The following TAOK1 variants were observed in gnomAD, a reference collection of about 807,000 sequenced individuals.
The protein encoded by TAOK1 is TAO kinase 1.
A neutral mutation model predicts 138.3 loss-of-function variants in TAOK1; 21 were observed. That is an observed-to-expected ratio of 0.15 (90% CI 0.11 to 0.22). The LOEUF is 0.22. Ranked by LOEUF, TAOK1 falls within the 10% of genes least tolerant of loss-of-function variation. The probability of loss-of-function intolerance (pLI) is 1.00; values close to 1 mark genes in which losing one functional copy is unlikely to be tolerated. For missense variants in TAOK1, 651 were observed against 1,227.7 expected (o/e 0.53, Z 7.02); for synonymous variants, 361 against 398.4 (o/e 0.91, Z 1.12).
chr17:29,426,418 A>C (rs545459099), intron 1 of TAOK1, among the ~76,000 whole-genome samples: 3 of 152,300 alleles, frequency 2.0e-5, no homozygotes, highest in East Asian at 3.9e-4. Flanking sequence ...TCCAAATTAG[A>C]GATTAGGGAA....
In TAOK1 at chr17:29,530,619, C is replaced by A. The variant is rs147661331; in HGVS notation, c.2361C>A (p.Ala787=). Residue 787 remains alanine (A), a splice_region_variant and synonymous_variant, in exon 18 of 20, where the codon GCC becomes GCA. Coordinates refer to ENST00000261716, the MANE Select transcript of TAOK1 (RefSeq NM_020791.4). The stretch of plus-strand genomic sequence containing the variant: ...TTAATGAAATGCTCTCCACACAAGC[C>A]GTGAGTTTGCTTTTTTTGGGGCAAA... The part of the protein sequence containing the change: ...HSINEMLSTQ[A]LRLDEAQEAE... The A allele has an allele frequency of 6.2e-7, 1 of 1,613,518 alleles. No homozygotes were observed. The highest frequency in any genetic ancestry group is 8.5e-7 in the Non-Finnish European group (1 of 1,179,818).
intron 13 of TAOK1, 44 bp downstream of exon 13, chr17:29,502,767 G>T: frequency 1.3e-6 from 2 of 1,581,710 alleles, no homozygotes; most frequent in Non-Finnish European, 1.7e-6. Flanking sequence ...TTTTCATGTG[G>T]GACCTTGGCA....
chr17:29,535,342 C>T (rs1399736898), intron 19 of TAOK1, among the ~76,000 whole-genome samples: 2 of 151,694 alleles, frequency 1.3e-5, no homozygotes, highest in Middle Eastern at 3.4e-3. Context: ...AAACAGTGGT[C>T]GATTATCAAT....
chr17:29,458,078 C>G (rs2030436963), intron 2 of TAOK1, among the ~76,000 whole-genome samples: 1 of 151,302 alleles, frequency 6.6e-6, no homozygotes, highest in Non-Finnish European at 1.5e-5. Flanking sequence ...CCACTGGGCT[C>G]CAGCCTGGGC....
At chr17:29,508,421 A>G (rs1451301496) in intron 14 of TAOK1, among the ~76,000 whole-genome samples, 3 of 152,222 alleles carry the variant, frequency 2.0e-5, no homozygotes, top group African/African-American at 7.2e-5. Context: ...GTAATAGCCA[A>G]CAAAATTTTG....
In TAOK1 at chr17:29,528,031, T is replaced by TTTTG. The variant is rs879423272; in HGVS notation, c.2149-2364_2149-2361dup. Among the ~76,000 whole-genome samples, 7 of 152,284 alleles carry TTTTG rather than the reference T, an allele frequency of 4.6e-5. No homozygotes were observed. The South Asian group carries it at 6.2e-4, about 14-fold the overall frequency. On this transcript the variant is annotated intron_variant, in intron 17 of 19. Coordinates refer to ENST00000261716, the MANE Select transcript of TAOK1 (RefSeq NM_020791.4). ...AACCTTTGAAAGATTAGTTTTGTTA[T>TTTTG]TTTGTTTGTTTGTTTTGTGTGTGTG...
intron 2 of TAOK1, among the ~76,000 whole-genome samples, chr17:29,463,162 G>T (rs2153025253): frequency 6.6e-6 from 1 of 151,706 alleles, no homozygotes; most frequent in Non-Finnish European, 1.5e-5. Context: ...CATATGTATT[G>T]TATCTACATA....
At chr17:29,510,836 T>G (rs750989318) in intron 14 of TAOK1, 28 bp from the exon 15 acceptor site, 1 of 1,521,906 alleles carries the variant, frequency 6.6e-7, no homozygotes, top group East Asian at 2.4e-5. Context: ...CTTAACTAAA[T>G]TTGATTCATT....
intron 1 of TAOK1, among the ~76,000 whole-genome samples, chr17:29,433,068 C>T (rs546302221): frequency 2.0e-5 from 3 of 152,082 alleles, no homozygotes; most frequent in South Asian, 2.1e-4. Flanking sequence ...AGGGCCTTAC[C>T]ATAGTTATCT....
chr17:29,491,667 T>C lies in TAOK1; in HGVS notation c.750-117T>C, dbSNP rs547676342. 66 of 726,026 alleles carry C rather than the reference T, an allele frequency of 9.1e-5. No homozygotes were observed. The South Asian group carries it at 1.0e-3, about 11-fold the overall frequency. The allele number at this position is 726,026 out of a possible 1,614,324, so 45.0% of individuals were successfully genotyped here. ...TATATGAAACTGTATAGTCTCTGCT[T>C]TTTTTTAATCATTCCCTTTCCATTT... On this transcript the variant is annotated intron_variant, in intron 9 of 19. Coordinates refer to ENST00000261716, the MANE Select transcript of TAOK1 (RefSeq NM_020791.4).
intron 9 of TAOK1, 47 bp from the exon 10 acceptor site, chr17:29,491,737 T>C: frequency 7.3e-7 from 1 of 1,379,142 alleles, no homozygotes; most frequent in Non-Finnish European, 1.0e-6. Flanking sequence ...GAATGTATTT[T>C]TAAAGGAAAT....
chr17:29,459,251 T>G (rs868719240), intron 2 of TAOK1, among the ~76,000 whole-genome samples: 12 of 152,286 alleles, frequency 7.9e-5, no homozygotes, highest in Middle Eastern at 3.4e-3. Flanking sequence ...TTTTGCATAC[T>G]GTTGTTTTTT....
intron 10 of TAOK1, among the ~76,000 whole-genome samples, chr17:29,493,621 C>A (rs897659303): frequency 2.6e-5 from 4 of 152,072 alleles, no homozygotes; most frequent in African/African-American, 9.7e-5. Flanking sequence ...CCTAAGTCTG[C>A]ATATATTAAT....
chr17:29,542,120 G>C (rs947953143), intron 19 of TAOK1, among the ~76,000 whole-genome samples: 2 of 152,000 alleles, frequency 1.3e-5, no homozygotes, highest in African/African-American at 4.8e-5. Flanking sequence ...CTCATGATCC[G>C]CCCGCATCAG....
At position 29,546,987 on chromosome 17, in the gene TAOK1, A is replaced by G. The variant is rs1364273826; in HGVS notation, c.*3965A>G. On this transcript the variant is annotated 3_prime_UTR_variant, in exon 20 of 20. Transcript: ENST00000261716. Reference sequence around the variant, plus strand: ...GTAAAATTTGGAATCATAAGTTGCAATGCAGTAAAATGGTGCTGGGGAAGG... The same window carrying G: ...GTAAAATTTGGAATCATAAGTTGCAGTGCAGTAAAATGGTGCTGGGGAAGG... 1 of 152,122 alleles carries G rather than the reference A, an allele frequency of 6.6e-6. No homozygotes were observed. Among genetic ancestry groups the G allele is most frequent in the African/African-American group, 2.4e-5 (1 of 41,432 alleles). The allele number at this position is 152,122 out of a possible 1,614,324, so 9.4% of individuals were successfully genotyped here. A position where few individuals can be genotyped will look rare whatever the true frequency, so the allele number is the denominator to read the frequency against.
At chr17:29,459,190 T>C (rs1400850155) in intron 2 of TAOK1, among the ~76,000 whole-genome samples, 1 of 152,222 alleles carries the variant, frequency 6.6e-6, no homozygotes, top group African/African-American at 2.4e-5. Flanking sequence ...TCTTGGACTC[T>C]GTTTTCCTTT....
At position 29,451,492 on chromosome 17, in the gene TAOK1, C is replaced by A; in HGVS notation, c.-57C>A. On this transcript the variant is annotated 5_prime_UTR_variant, in exon 2 of 20. Coordinates refer to ENST00000261716, the MANE Select transcript of TAOK1 (RefSeq NM_020791.4). Reference sequence around the variant, plus strand: ...ACGTGACTTCATTCATACAGATGAACCAAGGATCGGGATAGCAGTATAAAA... The same window carrying A: ...ACGTGACTTCATTCATACAGATGAAACAAGGATCGGGATAGCAGTATAAAA... 6.6e-7 allele frequency: 1 copy of A among 1,517,724 alleles called. No homozygotes were observed. Among genetic ancestry groups the A allele is most frequent in the Non-Finnish European group, 8.8e-7 (1 of 1,133,710 alleles). 94.0% of individuals were successfully genotyped at this position (1,517,724 alleles called of 1,614,324 possible). A position where few individuals can be genotyped will look rare whatever the true frequency, so the allele number is the denominator to read the frequency against.
intron 1 of TAOK1, among the ~76,000 whole-genome samples, chr17:29,412,785 A>G (rs1905178070): frequency 6.6e-6 from 1 of 152,234 alleles, no homozygotes; most frequent in Non-Finnish European, 1.5e-5. Context: ...CGAAAGTAAA[A>G]AGCACAGCAT....
chr17:29,484,429 A>G (rs1391598183), intron 8 of TAOK1, among the ~76,000 whole-genome samples: 1 of 152,176 alleles, frequency 6.6e-6, no homozygotes, highest in African/African-American at 2.4e-5. Flanking sequence ...AGGCCAGGAA[A>G]ACTTTCTGCA....
Sources: gnomAD v4.1 joint callset for allele counts (sites outside exome capture counted in the v4.1 genomes callset) on GRCh38, gnomAD v4.1.1 for gene constraint, MANE v1.5 for transcripts, NCBI Gene and HGNC (gene_info 2026-07-23, HGNC 2026-07-21) for gene names.